HDAC9: variants seen among roughly 807,000 people sequenced by gnomAD.
HDAC9 encodes the protein histone deacetylase 9.
Under a neutral mutation model 139.4 loss-of-function variants are expected in HDAC9, and 41 were observed. The ratio of observed to expected loss-of-function variants is 0.29; its 90% CI spans 0.23 to 0.38. The LOEUF (loss-of-function observed/expected upper bound fraction) is 0.38. HDAC9 is among the 10% of genes least tolerant of loss of function. The pLI is 1.00. For synonymous variants in HDAC9, 517 were observed against 476.2 expected (o/e 1.09, Z -1.12); for missense variants, 1,147 against 1,297.0 (o/e 0.88, Z 1.78).
At chr7:18,966,636 G>A (rs2129331803) in intron 24 of HDAC9, among the ~76,000 whole-genome samples, 1 of 152,224 alleles carries the variant, frequency 6.6e-6, no homozygotes, top group African/African-American at 2.4e-5. Context: ...GGGAGGCAGA[G>A]GTTACCATGA....
chr7:18,324,405 A>G (rs770645925), intron 1 of HDAC9, among the ~76,000 whole-genome samples: 7 of 152,210 alleles, frequency 4.6e-5, no homozygotes, highest in Non-Finnish European at 7.3e-5. Flanking sequence ...GGAGATAATC[A>G]TAGTACCAGT....
rs113788268 is a variant in HDAC9 at position 18,786,470 on chromosome 7, C to CT, written c.2215-6875_2215-6874insT. Among the ~76,000 whole-genome samples, 177 of 20,712 alleles carry CT rather than the reference C, an allele frequency of 8.5e-3. 2 individuals are homozygous for CT. Among genetic ancestry groups the CT allele is most frequent in the African/African-American group, 0.013 (133 of 10,632 alleles). 13.6% of individuals were successfully genotyped at this position (20,712 alleles called of 152,430 possible). On this transcript the variant is annotated intron_variant, in intron 16 of 25. Coordinates refer to ENST00000686413, the MANE Select transcript of HDAC9 (RefSeq NM_178425.4). ...CCATCGCCCTTTCCTTCCTTCCTTT[C>CT]GTCCTTCCTTCCTTTCTTCCTTCCT...
intron 2 of HDAC9, among the ~76,000 whole-genome samples, chr7:18,234,168 A>G (rs1393628898): frequency 2.0e-5 from 3 of 152,218 alleles, no homozygotes; most frequent in African/African-American, 7.2e-5. Flanking sequence ...GCAGTGTACC[A>G]GGTATTACAG....
chr7:18,253,851 T>A (rs116155833), intron 2 of HDAC9, among the ~76,000 whole-genome samples: 20 of 152,316 alleles, frequency 1.3e-4, no homozygotes, highest in African/African-American at 4.6e-4. Context: ...GTTGAAGGGT[T>A]CATTTTTCAT....
At chr7:18,800,432 A>G (rs1240750083) in intron 17 of HDAC9, among the ~76,000 whole-genome samples, 1 of 152,196 alleles carries the variant, frequency 6.6e-6, no homozygotes, top group Non-Finnish European at 1.5e-5. Context: ...GAATCTACAG[A>G]TGAGTTTGAC....
intron 2 of HDAC9, among the ~76,000 whole-genome samples, chr7:18,580,459 A>G (rs1437491160): frequency 6.6e-6 from 1 of 152,194 alleles, no homozygotes; most frequent in Non-Finnish European, 1.5e-5. Context: ...TATGAACAAT[A>G]TAATATAATA....
intron 6 of HDAC9, among the ~76,000 whole-genome samples, chr7:18,605,705 G>C (rs759825866): frequency 4.6e-5 from 7 of 152,102 alleles, no homozygotes; most frequent in Non-Finnish European, 1.0e-4. Context: ...TTTTGAGACA[G>C]AGTCTTGTTC....
In HDAC9 at chr7:18,270,296, AAC is replaced by A. The variant is rs917802217; in HGVS notation, c.25+107949_25+107950del. ...TCTCAATAAATGTTTGTAGAAATTA[AAC>A]AAAAAAAAAACTGTGACTTAGAAAA... On this transcript the variant is annotated intron_variant, in intron 2 of 12. Transcript: ENST00000417496. Among the ~76,000 whole-genome samples, 7 of 151,482 alleles carry A rather than the reference AAC, an allele frequency of 4.6e-5. 1 individual carries two copies. The highest frequency in any genetic ancestry group is 1.5e-4 in the African/African-American group (6 of 41,234).
intron 17 of HDAC9, among the ~76,000 whole-genome samples, chr7:18,797,305 A>G (rs1226285660): frequency 6.6e-6 from 1 of 152,220 alleles, no homozygotes; most frequent in African/African-American, 2.4e-5. Context: ...GGCTAAAACT[A>G]TCTATTTTAA....
intron 17 of HDAC9, among the ~76,000 whole-genome samples, chr7:18,798,188 T>G (rs1792973215): frequency 6.6e-6 from 1 of 152,168 alleles, no homozygotes; most frequent in African/African-American, 2.4e-5. Flanking sequence ...ACTTTCACAG[T>G]AAATTTCAGG....
intron 1 of HDAC9, among the ~76,000 whole-genome samples, chr7:18,456,783 C>G (rs556840366): frequency 2.6e-5 from 4 of 152,246 alleles, no homozygotes; most frequent in African/African-American, 7.2e-5. Context: ...TCCTCGTTCA[C>G]AAGAGATTTT....
At chr7:18,904,042 C>A (rs932311277) in intron 22 of HDAC9, among the ~76,000 whole-genome samples, 3 of 152,168 alleles carry the variant, frequency 2.0e-5, no homozygotes, top group South Asian at 2.1e-4. Context: ...GTCATAATTA[C>A]AATACACACA....
intron 17 of HDAC9, among the ~76,000 whole-genome samples, chr7:18,821,083 C>A (rs1436800316): frequency 6.6e-6 from 1 of 152,172 alleles, no homozygotes. Flanking sequence ...GCTGCAGCCA[C>A]CTGAGGGGAG....
chr7:18,522,503 A>G lies in HDAC9; in HGVS notation c.22+26179A>G, dbSNP rs192668909. Among the ~76,000 whole-genome samples, 55 of 152,126 alleles carry G rather than the reference A, an allele frequency of 3.6e-4. No homozygotes were observed. The East Asian group carries it at 7.1e-3, about 20-fold the overall frequency. ...TGAATTCCAGTCCAGTTTCTTTCCA[A>G]GCATATAACTGGACATGACAGAGTA... On this transcript the variant is annotated intron_variant, in intron 2 of 25. Transcript: ENST00000686413.
At chr7:18,385,907 GT>G (rs1379127580) in intron 1 of HDAC9, among the ~76,000 whole-genome samples, 4 of 151,212 alleles carry the variant, frequency 2.6e-5, no homozygotes, top group Admixed American at 6.6e-5. Flanking sequence ...CTTCTTCCCA[GT>G]TTGCTTGTCA....
intron 1 of HDAC9, among the ~76,000 whole-genome samples, chr7:18,420,568 TAA>T (rs1013128401): frequency 1.3e-5 from 2 of 152,220 alleles, no homozygotes; most frequent in African/African-American, 4.8e-5. Context: ...GCAGGGTAAG[TAA>T]AGTCTTCTGA....
intron 17 of HDAC9, among the ~76,000 whole-genome samples, chr7:18,807,825 C>G (rs1315662496): frequency 6.6e-6 from 1 of 152,040 alleles, no homozygotes; most frequent in Non-Finnish European, 1.5e-5. Context: ...TCTGTTAAGA[C>G]TTGTTTTGTG....
At chr7:18,141,626 A>G (rs892505127) in intron 1 of HDAC9, among the ~76,000 whole-genome samples, 2 of 151,950 alleles carry the variant, frequency 1.3e-5, no homozygotes, top group Non-Finnish European at 2.9e-5. Context: ...GTCCATTTGT[A>G]TTTTTCTGAT....
chr7:18,183,177 T>TTTTTTGTA (rs1371201365), intron 2 of HDAC9, among the ~76,000 whole-genome samples: 4 of 149,140 alleles, frequency 2.7e-5, no homozygotes, highest in African/African-American at 7.8e-5. Flanking sequence ...ACCCGGCTAA[T>TTTTTTGTA]TTTTTGTATT....
Sources: allele counts gnomAD v4.1 joint callset (sites outside exome capture counted in the v4.1 genomes callset), GRCh38; gene constraint gnomAD v4.1.1; transcripts MANE v1.5; gene names NCBI Gene and HGNC (gene_info 2026-07-23, HGNC 2026-07-21).